Variants in PALM2AKAP2 observed in about 807,000 individuals in gnomAD.
The protein encoded by PALM2AKAP2 is PALM2-AKAP2 fusion protein.
A neutral mutation model predicts 71.5 loss-of-function variants in PALM2AKAP2; 37 were observed. That is an observed-to-expected ratio of 0.52 (90% CI 0.40 to 0.68). PALM2AKAP2 has a LOEUF of 0.68. PALM2AKAP2 is among the 30% of genes least tolerant of loss of function. PALM2AKAP2 has a pLI of 0.00. For missense variants in PALM2AKAP2, 1,224 were observed against 1,191.8 expected, an observed-to-expected ratio of 1.03 and a Z score of -0.40; for synonymous variants, 468 against 478.8, an observed-to-expected ratio of 0.98 and a Z score of 0.29.
intron 1 of PALM2AKAP2, chr9:109,771,907 C>T (rs1476626529): frequency 6.6e-6 from 1 of 152,296 alleles, no homozygotes; most frequent in Non-Finnish European, 1.5e-5. Flanking sequence ...CTCCTCCCCT[C>T]CCACCCCAGA....
At chr9:109,641,093 T>G (rs1827059448) in intron 1 of PALM2AKAP2, among the ~76,000 whole-genome samples, 1 of 152,118 alleles carries the variant, frequency 6.6e-6, no homozygotes, top group Non-Finnish European at 1.5e-5. Context: ...TAGCAGGGCC[T>G]GGGGGGCGAG....
chr9:109,756,522 T>A (rs1828966760), intron 1 of PALM2AKAP2, among the ~76,000 whole-genome samples: 1 of 152,228 alleles, frequency 6.6e-6, no homozygotes, highest in Admixed American at 6.5e-5. Context: ...TTGGCCAATT[T>A]TATCAGTTTG....
intron 3 of PALM2AKAP2, among the ~76,000 whole-genome samples, chr9:109,912,092 G>T (rs1830582820): frequency 1.3e-5 from 2 of 152,118 alleles, no homozygotes; most frequent in South Asian, 4.1e-4. Context: ...GCTTTGTCAG[G>T]AGCAGTTTGA....
chr9:110,056,811 G>A (rs2132529659), intron 1 of PALM2AKAP2, among the ~76,000 whole-genome samples: 1 of 152,260 alleles, frequency 6.6e-6, no homozygotes, highest in South Asian at 2.1e-4. Flanking sequence ...GGGAGGCATT[G>A]CTTTTGAATG....
chr9:109,987,914 T>A (rs1245339431), intron 6 of PALM2AKAP2, among the ~76,000 whole-genome samples: 1 of 152,260 alleles, frequency 6.6e-6, no homozygotes, highest in Non-Finnish European at 1.5e-5. Flanking sequence ...CAAGAAAATA[T>A]TAGAGATTCC....
chr9:110,144,068 C>T (rs147486531), intron 2 of PALM2AKAP2, among the ~76,000 whole-genome samples: 12 of 152,326 alleles, frequency 7.9e-5, no homozygotes, highest in African/African-American at 2.2e-4. Flanking sequence ...AATATGTTTG[C>T]GACTGTCCAC....
At chr9:109,691,649 T>G (rs1564114598) in intron 1 of PALM2AKAP2, among the ~76,000 whole-genome samples, 1 of 151,342 alleles carries the variant, frequency 6.6e-6, no homozygotes, top group Non-Finnish European at 1.5e-5. Context: ...CCAAAAAGAC[T>G]AAATTTAGTT....
At chr9:109,818,072 A>C (rs765314882) in intron 1 of PALM2AKAP2, among the ~76,000 whole-genome samples, 43 of 152,302 alleles carry the variant, frequency 2.8e-4, no homozygotes, top group Middle Eastern at 3.4e-3. Context: ...CTCCTAGTGG[A>C]GGGAATTTCT....
At chr9:109,812,534 G>T (rs555165469) in intron 1 of PALM2AKAP2, among the ~76,000 whole-genome samples, 16 of 152,288 alleles carry the variant, frequency 1.1e-4, no homozygotes, top group African/African-American at 3.8e-4. Flanking sequence ...GCAAGGCGCG[G>T]CTGATGAGGA....
At chr9:109,879,937 A>T (rs1181288410) in intron 2 of PALM2AKAP2, among the ~76,000 whole-genome samples, 1 of 152,180 alleles carries the variant, frequency 6.6e-6, no homozygotes, top group East Asian at 1.9e-4. Flanking sequence ...GAATCAAGCA[A>T]TCCTCCTGCC....
At chr9:110,099,778 CAT>C (rs1354217920) in intron 1 of PALM2AKAP2, among the ~76,000 whole-genome samples, 1 of 151,942 alleles carries the variant, frequency 6.6e-6, no homozygotes, top group African/African-American at 2.4e-5. Flanking sequence ...AGGTAATAAT[CAT>C]AGTCAGTTTG....
chr9:109,712,746 C>T (rs1414060524), intron 1 of PALM2AKAP2, among the ~76,000 whole-genome samples: 1 of 152,188 alleles, frequency 6.6e-6, no homozygotes, highest in Non-Finnish European at 1.5e-5. Flanking sequence ...ATACCCATCT[C>T]ACATTTGGGA....
chr9:109,939,744 A>G (rs1415333377), intron 6 of PALM2AKAP2, among the ~76,000 whole-genome samples: 3 of 152,226 alleles, frequency 2.0e-5, no homozygotes, highest in Non-Finnish European at 4.4e-5. Context: ...ATCAGGAACT[A>G]ACTGAGATAA....
At chr9:109,963,250 G>T (rs1163034624) in intron 6 of PALM2AKAP2, among the ~76,000 whole-genome samples, 1 of 152,212 alleles carries the variant, frequency 6.6e-6, no homozygotes, top group African/African-American at 2.4e-5. Context: ...GACTGAAGGA[G>T]ACAAGGTGAA....
upstream of PALM2AKAP2, chr9:110,048,655 G>T: frequency 6.8e-7 from 1 of 1,477,636 alleles, no homozygotes; most frequent in Non-Finnish European, 8.9e-7. Flanking sequence ...AGGCGGGCGG[G>T]GCTCCCCGCC....
At chr9:109,690,822 A>G (rs572914090) in intron 1 of PALM2AKAP2, among the ~76,000 whole-genome samples, 10 of 152,286 alleles carry the variant, frequency 6.6e-5, no homozygotes, top group Admixed American at 5.9e-4. Context: ...ACCTTTAAAG[A>G]TGAAACAAGA....
At chr9:109,762,034 A>G (rs956028431) in intron 1 of PALM2AKAP2, among the ~76,000 whole-genome samples, 2 of 152,202 alleles carry the variant, frequency 1.3e-5, no homozygotes, top group African/African-American at 4.8e-5. Flanking sequence ...AAGTCAGGAA[A>G]CAACAGATGC....
At chr9:109,930,530 ATC>A (rs1831072026) in intron 5 of PALM2AKAP2, among the ~76,000 whole-genome samples, 2 of 152,114 alleles carry the variant, frequency 1.3e-5, no homozygotes, top group Non-Finnish European at 2.9e-5. Flanking sequence ...CCGGCGAAAA[ATC>A]TGTTTTCTTA....
chr9:109,870,645 A>G (rs887598356), intron 2 of PALM2AKAP2, among the ~76,000 whole-genome samples: 5 of 152,244 alleles, frequency 3.3e-5, no homozygotes, highest in African/African-American at 1.2e-4. Context: ...AGGGAGCCTG[A>G]GAGAAACTCC....
Sources: allele counts gnomAD v4.1 joint callset (sites outside exome capture counted in the v4.1 genomes callset), GRCh38; gene constraint gnomAD v4.1.1; transcripts MANE v1.5; gene names NCBI Gene and HGNC (gene_info 2026-07-23, HGNC 2026-07-21).